SERPINI1: variants seen among roughly 807,000 people sequenced by gnomAD.
SERPINI1 encodes serpin family I member 1, also known as neuroserpin.
A neutral mutation model predicts 41.1 loss-of-function variants in SERPINI1; 19 were observed. The observed-to-expected ratio is 0.46, with a 90% CI of 0.32 to 0.68. The LOEUF is 0.68. Ranked by LOEUF, SERPINI1 falls within the 30% of genes least tolerant of loss-of-function variation. SERPINI1 has a pLI of 0.03. For missense variants in SERPINI1, 460 were observed against 479.2 expected (o/e 0.96, Z 0.37); for synonymous variants, 138 against 156.6 (o/e 0.88, Z 0.89).
chr3:167,740,718 G>A (rs563308736), intron 1 of SERPINI1, among the ~76,000 whole-genome samples: 1 of 152,318 alleles, frequency 6.6e-6, no homozygotes, highest in Admixed American at 6.5e-5. Context: ...GCGCGCGCTT[G>A]TGTGCGTGTG....
chr3:167,822,751 T>C (rs1258830131), intron 6 of SERPINI1, among the ~76,000 whole-genome samples: 2 of 151,976 alleles, frequency 1.3e-5, no homozygotes, highest in African/African-American at 2.4e-5. Flanking sequence ...AAGACATACA[T>C]ATGGGAAAAC....
At chr3:167,782,136 C>T (rs772232367) in intron 1 of SERPINI1, among the ~76,000 whole-genome samples, 4 of 152,044 alleles carry the variant, frequency 2.6e-5, no homozygotes, top group South Asian at 4.2e-4. Flanking sequence ...TACAGAGTAG[C>T]TAGAAAAATA....
intron 5 of SERPINI1, among the ~76,000 whole-genome samples, chr3:167,801,292 T>A (rs1577426075): frequency 6.6e-6 from 1 of 152,260 alleles, no homozygotes; most frequent in South Asian, 2.1e-4. Context: ...TTCAACTTAT[T>A]CAGGTAGAAA....
At chr3:167,755,354 T>C (rs1424864026) in intron 1 of SERPINI1, among the ~76,000 whole-genome samples, 1 of 152,230 alleles carries the variant, frequency 6.6e-6, no homozygotes, top group Non-Finnish European at 1.5e-5. Flanking sequence ...ACTCCTGATT[T>C]GGAGTAGGCA....
intron 1 of SERPINI1, among the ~76,000 whole-genome samples, chr3:167,782,516 A>G (rs1472653946): frequency 2.0e-5 from 3 of 152,190 alleles, no homozygotes; most frequent in Non-Finnish European, 4.4e-5. Context: ...TTTAATAAAT[A>G]TTTATTTGGC....
intron 1 of SERPINI1, among the ~76,000 whole-genome samples, chr3:167,740,724 G>C (rs1269224466): frequency 6.6e-6 from 1 of 152,096 alleles, no homozygotes; most frequent in African/African-American, 2.4e-5. Context: ...GCTTGTGTGC[G>C]TGTGTGTGTG....
Position 167,790,614 on chromosome 3 carries a change from G to C in SERPINI1, c.481+12G>C. ...GAATAACACAAACAGTATGTCACTT[G>C]GTTCCTTTCTTCCTCTAGTAGCTTA... On this transcript the variant is annotated intron_variant, in intron 3 of 8. Coordinates refer to ENST00000446050, the MANE Select transcript of SERPINI1 (RefSeq NM_001122752.2). 1 of 1,588,282 alleles carries C rather than the reference G, an allele frequency of 6.3e-7. No homozygotes were observed. Among genetic ancestry groups the C allele is most frequent in the Non-Finnish European group, 8.6e-7 (1 of 1,157,406 alleles).
At chr3:167,772,506 T>C (rs1726791733) in intron 1 of SERPINI1, among the ~76,000 whole-genome samples, 1 of 152,104 alleles carries the variant, frequency 6.6e-6, no homozygotes, top group Non-Finnish European at 1.5e-5. Flanking sequence ...TATTCAAATA[T>C]AGCTGTATAG....
intron 1 of SERPINI1, among the ~76,000 whole-genome samples, chr3:167,771,623 T>A (rs373262845): frequency 7.3e-5 from 11 of 151,618 alleles, no homozygotes; most frequent in African/African-American, 2.7e-4. Flanking sequence ...CCTGTTTAAC[T>A]TTTTTTTTAG....
intron 1 of SERPINI1, among the ~76,000 whole-genome samples, chr3:167,781,199 A>C (rs368008625): frequency 8.5e-4 from 130 of 152,240 alleles, no homozygotes; most frequent in African/African-American, 3.1e-3. Flanking sequence ...GGAAACTTTC[A>C]CTTATTCCAA....
intron 1 of SERPINI1, among the ~76,000 whole-genome samples, chr3:167,745,846 A>G (rs550246693): frequency 1.8e-4 from 27 of 152,310 alleles, no homozygotes; most frequent in African/African-American, 6.5e-4. Flanking sequence ...AATGAATTTA[A>G]CAAAAATGCA....
In SERPINI1 at chr3:167,794,722, A is replaced by G; in HGVS notation, c.779A>G (p.Gln260Arg). The G allele has an allele frequency of 2.5e-6, 4 of 1,613,770 alleles. No individual in the cohort carries two copies. Among genetic ancestry groups the G allele is most frequent in the Non-Finnish European group, 3.4e-6 (4 of 1,179,818 alleles). Reference protein sequence around the residue: ...EISMMLVLSRQEVPLATLEPL... With the variant: ...EISMMLVLSRREVPLATLEPL... Reference sequence around the variant, plus strand: ...AGCATGATGCTGGTGCTGTCCAGACAGGAAGTTCCTCTTGCTACTCTGGAG... The same window carrying G: ...AGCATGATGCTGGTGCTGTCCAGACGGGAAGTTCCTCTTGCTACTCTGGAG... The change falls in exon 5 of 9, where the codon CAG becomes CGG. Residue 260 changes from glutamine (Q) to arginine (R), a missense_variant. Gln to Arg is a conservative substitution (Grantham distance 43). Coordinates refer to ENST00000446050, the MANE Select transcript of SERPINI1 (RefSeq NM_001122752.2).
At chr3:167,775,637 AAT>A (rs1285631378) in intron 1 of SERPINI1, among the ~76,000 whole-genome samples, 2 of 152,308 alleles carry the variant, frequency 1.3e-5, no homozygotes, top group African/African-American at 4.8e-5. Context: ...TAGAAACTGT[AAT>A]ATGTTTTTAA....
At position 167,768,980 on chromosome 3, in the gene SERPINI1, T is replaced by TTTTGTTTGTTTG. The variant is rs58300423; in HGVS notation, c.-18-20111_-18-20100dup. ...GGAGCCCCTCCCTCTAATTTTGTTCTTTTGTTTGTTTGTTTGTTTGTTTGT... is the reference window on the plus strand; with the variant it reads ...GGAGCCCCTCCCTCTAATTTTGTTCTTTTGTTTGTTTGTTTGTTTGTTTGTTTGTTTGTTTGT... On this transcript the variant is annotated intron_variant, in intron 1 of 8. Coordinates refer to ENST00000446050, the MANE Select transcript of SERPINI1 (RefSeq NM_001122752.2). 3.4e-3 allele frequency among the ~76,000 whole-genome samples: 512 copies of TTTTGTTTGTTTG among 150,242 alleles called. 2 individuals carry two copies. The highest frequency in any genetic ancestry group is 1.0e-2 in the African/African-American group (407 of 40,726).
chr3:167,803,223 A>T (rs907172021), intron 5 of SERPINI1, among the ~76,000 whole-genome samples: 1 of 151,834 alleles, frequency 6.6e-6, no homozygotes, highest in African/African-American at 2.4e-5. Flanking sequence ...ACATGTATAC[A>T]TATGTAACTA....
intron 1 of SERPINI1, among the ~76,000 whole-genome samples, chr3:167,771,280 G>T (rs1726739907): frequency 6.6e-6 from 1 of 152,070 alleles, no homozygotes; most frequent in Admixed American, 6.6e-5. Context: ...ATTCCCATTG[G>T]TGGAAGACTA....
chr3:167,811,712 AC>A (rs1227956033), intron 6 of SERPINI1, among the ~76,000 whole-genome samples: 1 of 152,064 alleles, frequency 6.6e-6, no homozygotes, highest in African/African-American at 2.4e-5. Context: ...ATTAGAAAAA[AC>A]TTTTAAAAAA....
chr3:167,819,729 G>A (rs1352303421), intron 6 of SERPINI1, among the ~76,000 whole-genome samples: 1 of 152,160 alleles, frequency 6.6e-6, no homozygotes, highest in Non-Finnish European at 1.5e-5. Context: ...AAAGCTTGAA[G>A]GAAAATGTAT....
chr3:167,784,008 T>C (rs965499016), intron 1 of SERPINI1, among the ~76,000 whole-genome samples: 5 of 152,132 alleles, frequency 3.3e-5, no homozygotes, highest in African/African-American at 9.7e-5. Context: ...GCAGAGGCCC[T>C]CTCCCACAAA....
Sources: allele counts gnomAD v4.1 joint callset (sites outside exome capture counted in the v4.1 genomes callset), GRCh38; gene constraint gnomAD v4.1.1; transcripts MANE v1.5; gene names NCBI Gene and HGNC (gene_info 2026-07-23, HGNC 2026-07-21).